Variants in PHKA1 observed in about 807,000 individuals in gnomAD.
PHKA1 encodes the protein phosphorylase kinase regulatory subunit alpha 1, also known as phosphorylase b kinase regulatory subunit alpha, skeletal muscle isoform.
Under a neutral mutation model 110.2 loss-of-function variants are expected in PHKA1, and 60 were observed. The observed-to-expected ratio is 0.54, with a 90% CI of 0.44 to 0.68. PHKA1 has a LOEUF of 0.68. Among genes scored for constraint, PHKA1 ranks in the 30% least tolerant of loss-of-function variants. The pLI is 0.00. For missense variants in PHKA1, 801 were observed against 942.5 expected (o/e 0.85, Z 1.97); for synonymous variants, 316 against 333.6 (o/e 0.95, Z 0.58).
chrX:72,681,704 C>T (rs1440792415), intron 5 of PHKA1, among the ~76,000 whole-genome samples: 8 of 79,895 alleles, frequency 1.0e-4, no homozygotes, highest in Admixed American at 3.9e-4. Context: ...CCAGCCGCCC[C>T]GTCCGGGAGG....
chrX:72,640,272 A>G (rs954487007), intron 14 of PHKA1, among the ~76,000 whole-genome samples: 12 of 112,035 alleles, frequency 1.1e-4, no homozygotes, highest in African/African-American at 3.9e-4. Flanking sequence ...TGGAAGAGAA[A>G]GTGTCAGTAT....
chrX:72,668,241 C>T (rs1342742323), intron 6 of PHKA1, among the ~76,000 whole-genome samples: 3 of 111,749 alleles, frequency 2.7e-5, no homozygotes, highest in Non-Finnish European at 5.6e-5. Flanking sequence ...CCATGGCATA[C>T]GGTAGGCTCT....
intron 5 of PHKA1, among the ~76,000 whole-genome samples, chrX:72,681,571 C>T (rs1291203968): frequency 1.2e-5 from 1 of 86,544 alleles, no homozygotes; most frequent in Non-Finnish European, 2.4e-5. Flanking sequence ...GCCCGGCCAG[C>T]CGCCCCGTCC....
At chrX:72,615,395 G>A (rs2052878781) in intron 21 of PHKA1, among the ~76,000 whole-genome samples, 2 of 111,036 alleles carry the variant, frequency 1.8e-5, no homozygotes, top group Non-Finnish European at 3.8e-5. Context: ...TTAGTATGAA[G>A]GTTAAAAGAC....
intron 16 of PHKA1, among the ~76,000 whole-genome samples, chrX:72,630,323 A>G (rs1384263172): frequency 3.8e-5 from 4 of 106,332 alleles, no homozygotes; most frequent in Admixed American, 2.0e-4. Flanking sequence ...GAGAGAGAGA[A>G]AGAAAGGGAA....
At chrX:72,584,383 G>A (rs868954821) in intron 29 of PHKA1, 81 bp from the exon 30 acceptor site, 8 of 894,652 alleles carry the variant, frequency 8.9e-6, no homozygotes, top group Non-Finnish European at 1.1e-5. Flanking sequence ...ATGAGGAGAC[G>A]CTGTATTTCT....
chrX:72,682,951 A>G (rs1488351717), intron 5 of PHKA1, among the ~76,000 whole-genome samples: 1 of 105,612 alleles, frequency 9.5e-6, no homozygotes, highest in Non-Finnish European at 1.9e-5. Flanking sequence ...AAAAAAAAAA[A>G]AAAAAAAGAA....
chrX:72,648,507 G>A (rs1308916855), intron 13 of PHKA1, among the ~76,000 whole-genome samples: 1 of 111,854 alleles, frequency 8.9e-6, no homozygotes, highest in African/African-American at 3.3e-5. Flanking sequence ...AGGAGGCACT[G>A]TAAACCTAGC....
chrX:72,693,822 C>G (rs782122506), intron 4 of PHKA1, among the ~76,000 whole-genome samples: 1 of 111,170 alleles, frequency 9.0e-6, no homozygotes, highest in South Asian at 3.9e-4. Context: ...TGGTTGTACC[C>G]GCCTTGAATA....
At chrX:72,595,518 A>G (rs1603252366) in intron 28 of PHKA1, among the ~76,000 whole-genome samples, 1 of 112,344 alleles carries the variant, frequency 8.9e-6, no homozygotes, top group Admixed American at 9.5e-5. Context: ...TTTGCAGATG[A>G]CATGATCTTG....
At chrX:72,594,112 C>T (rs1382704330) in intron 28 of PHKA1, among the ~76,000 whole-genome samples, 6 of 110,528 alleles carry the variant, frequency 5.4e-5, no homozygotes, top group Non-Finnish European at 7.6e-5. Flanking sequence ...TGAATGAAAA[C>T]GAAAGCACAA....
chrX:72,601,955 A>G, intron 28 of PHKA1, 36 bp downstream of exon 28: 2 of 1,101,508 alleles, frequency 1.8e-6, no homozygotes, highest in Non-Finnish European at 2.5e-6. Context: ...ACTAAAGGTA[A>G]GTTAAACCAT....
At chrX:72,698,124 T>A (rs2054154397) in intron 3 of PHKA1, among the ~76,000 whole-genome samples, 1 of 110,936 alleles carries the variant, frequency 9.0e-6, no homozygotes, top group Non-Finnish European at 1.9e-5. Context: ...TGTGCAAATT[T>A]AAAGCTGTTT....
chrX:72,581,055 C>A lies in PHKA1; in HGVS notation c.3619G>T (p.Ala1207Ser). The A allele has an allele frequency of 2.6e-5, 32 of 1,210,882 alleles. No individual in the cohort carries two copies. The highest frequency in any genetic ancestry group is 3.6e-5 in the Non-Finnish European group (32 of 894,821). The change falls in exon 32 of 32, where the codon GCC (alanine) becomes TCC (serine). Residue 1207 changes from alanine to serine, a missense_variant. By Grantham distance (99) the Ala-to-Ser change is moderately conservative. Around this residue, in one of 2 missense-constraint regions of PHKA1, gnomAD observed 502 missense variants for 519.2 expected, o/e 0.97. Transcript: ENST00000373542. ...FGTMTYLSKA[A>S]ATYVQEFLPH... is the part of the protein sequence containing the mutation. ...AGGAACTCCTGCACGTAGGTGGCGG[C>A]TGCCTTGGAGAGGTAGGTCATGGTG...
intron 4 of PHKA1, among the ~76,000 whole-genome samples, chrX:72,688,294 CAA>C (rs1556319617): frequency 2.7e-5 from 3 of 112,128 alleles, no homozygotes; most frequent in Non-Finnish European, 5.6e-5. Context: ...AGCAAAGTGG[CAA>C]AGTGTGTTTT....
chrX:72,680,806 CTT>C (rs1857674861), intron 5 of PHKA1, among the ~76,000 whole-genome samples: 1 of 86,723 alleles, frequency 1.2e-5, no homozygotes, highest in African/African-American at 4.5e-5. Context: ...CTGTCTCAGT[CTT>C]TGCCGCCGCG....
At chrX:72,685,207 CTG>C (rs782494166) in intron 4 of PHKA1, among the ~76,000 whole-genome samples, 26 of 111,357 alleles carry the variant, frequency 2.3e-4, no homozygotes, top group African/African-American at 8.5e-4. Flanking sequence ...ACTCAATTGA[CTG>C]TTGATTTCAG....
chrX:72,699,622 A>T (rs1027055401), intron 3 of PHKA1, among the ~76,000 whole-genome samples: 2 of 109,889 alleles, frequency 1.8e-5, no homozygotes, highest in South Asian at 3.9e-4. Context: ...ACAAAAAAAA[A>T]TTTTTTTAAA....
At chrX:72,669,354 T>TTTG (rs1216126267) in intron 6 of PHKA1, among the ~76,000 whole-genome samples, 2 of 111,272 alleles carry the variant, frequency 1.8e-5, no homozygotes, top group Non-Finnish European at 3.8e-5. Flanking sequence ...TTTCTTTTTT[T>TTTG]TTGTTGTTGT....
Sources: gnomAD v4.1 joint callset for allele counts (sites outside exome capture counted in the v4.1 genomes callset) on GRCh38, gnomAD v4.1.1 for gene constraint, gnomAD v4.1.1 regional missense constraint, MANE v1.5 for transcripts, NCBI Gene and HGNC (gene_info 2026-07-23, HGNC 2026-07-21) for gene names.